TBCK: variants seen among roughly 807,000 people sequenced by gnomAD.
TBCK encodes TBC1 domain containing kinase, also known as TBC domain-containing protein kinase-like protein.
In TBCK, 99 loss-of-function variants were observed where a neutral mutation model predicts 113.4. The ratio of observed to expected loss-of-function variants is 0.87; its 90% CI spans 0.74 to 1.03. TBCK has a LOEUF of 1.03. Among genes scored for constraint, TBCK ranks in the 50% least tolerant of loss-of-function variants. The pLI, the probability that TBCK is intolerant of heterozygous loss-of-function variation, is 0.00. For missense variants in TBCK, 1,045 were observed against 1,061.3 expected (o/e 0.98, Z 0.21); for synonymous variants, 369 against 370.8 (o/e 1.00, Z 0.05).
At chr4:106,098,815 C>T (rs1340181621) in intron 24 of TBCK, among the ~76,000 whole-genome samples, 3 of 151,972 alleles carry the variant, frequency 2.0e-5, no homozygotes. Flanking sequence ...GTAAGTTGTA[C>T]CCCTCCCTGC....
chr4:106,224,055 T>A (rs1014389517), intron 19 of TBCK, among the ~76,000 whole-genome samples: 1 of 152,122 alleles, frequency 6.6e-6, no homozygotes, highest in Non-Finnish European at 1.5e-5. Flanking sequence ...TTTCTGGTGA[T>A]AATTTGATAG....
intron 3 of TBCK, among the ~76,000 whole-genome samples, chr4:106,273,466 C>G (rs567226205): frequency 1.3e-5 from 2 of 152,230 alleles, no homozygotes; most frequent in African/African-American, 4.8e-5. Flanking sequence ...TGTTTATTTG[C>G]TGGTTAGCTT....
At chr4:106,196,165 T>C (rs1754211899) in intron 20 of TBCK, among the ~76,000 whole-genome samples, 1 of 151,902 alleles carries the variant, frequency 6.6e-6, no homozygotes, top group African/African-American at 2.4e-5. Flanking sequence ...CCTAGAAATA[T>C]ATACATACAC....
chr4:106,108,961 A>G (rs993818089), intron 24 of TBCK, among the ~76,000 whole-genome samples: 2 of 151,046 alleles, frequency 1.3e-5, no homozygotes, highest in African/African-American at 4.9e-5. Context: ...TACACCAACG[A>G]CAACCAACCT....
At chr4:106,079,856 G>A (rs995244885) in intron 25 of TBCK, among the ~76,000 whole-genome samples, 2 of 152,168 alleles carry the variant, frequency 1.3e-5, no homozygotes, top group Non-Finnish European at 2.9e-5. Flanking sequence ...GGAAGGTGAG[G>A]AGGAAGCAGG....
At chr4:106,181,054 T>A (rs576610550) in intron 22 of TBCK, among the ~76,000 whole-genome samples, 3 of 152,338 alleles carry the variant, frequency 2.0e-5, no homozygotes, top group African/African-American at 7.2e-5. Flanking sequence ...TTTTTAATGA[T>A]CACCATTCTA....
chr4:106,231,545 C>A (rs1423331188), intron 18 of TBCK, among the ~76,000 whole-genome samples, 184 bp downstream of exon 18: 2 of 151,746 alleles, frequency 1.3e-5, no homozygotes, highest in Non-Finnish European at 3.0e-5. Context: ...TTTAGCATAA[C>A]TGAAACTCTC....
rs568326571 is a variant in TBCK, at chr4:106,150,216, A to G, written c.2235+20879T>C. 2.6e-5 allele frequency among the ~76,000 whole-genome samples: 4 copies of G among 152,302 alleles called. No homozygotes were observed. The East Asian group carries it at 7.7e-4, about 29-fold the overall frequency. Reference sequence around the variant, plus strand: ...CATGAAGAAAAAGTTAACTTGCGGCAAAAGGTTAGAATAATAACAATAAAA... The same window carrying G: ...CATGAAGAAAAAGTTAACTTGCGGCGAAAGGTTAGAATAATAACAATAAAA... On this transcript the variant is annotated intron_variant, in intron 23 of 25. Transcript: ENST00000394708.
At chr4:106,230,308 C>A in intron 19 of TBCK, 55 bp downstream of exon 19, 1 of 1,120,344 alleles carries the variant, frequency 8.9e-7, no homozygotes, top group Non-Finnish European at 1.3e-6. Context: ...ATTACATCAG[C>A]ACACCAGTAC....
chr4:106,092,602 C>A (rs1740415032), intron 25 of TBCK, among the ~76,000 whole-genome samples: 1 of 152,230 alleles, frequency 6.6e-6, no homozygotes, highest in African/African-American at 2.4e-5. Context: ...TGGGCCAGCA[C>A]TGCTGGGGGA....
rs28648796 is a variant in TBCK at position 106,115,998 on chromosome 4, G to C, written c.2411+205C>G. ...TATCCCAATATTCTGGCATTGTTTG[G>C]AAAATATCATCAGGTCTCTGGTATG... On this transcript the variant is annotated intron_variant, in intron 24 of 25. Coordinates refer to ENST00000394708, the MANE Select transcript of TBCK (RefSeq NM_001163435.3). Among the ~76,000 whole-genome samples, 9,551 of 152,208 alleles carry C rather than the reference G, an allele frequency of 0.063. 355 individuals carry two copies. The highest frequency in any genetic ancestry group is 0.08 in the Non-Finnish European group (5,471 of 68,010).
intron 22 of TBCK, among the ~76,000 whole-genome samples, chr4:106,183,659 C>T (rs1378417852): frequency 6.6e-6 from 1 of 152,026 alleles, no homozygotes; most frequent in South Asian, 2.1e-4. Flanking sequence ...ATTTCCTGAC[C>T]AGCAGTTCAC....
chr4:106,217,473 T>C (rs970143270), intron 19 of TBCK, among the ~76,000 whole-genome samples: 1 of 152,140 alleles, frequency 6.6e-6, no homozygotes, highest in East Asian at 1.9e-4. Context: ...AAAACCCCAT[T>C]GTCTCAGCCC....
chr4:106,162,487 C>T (rs1267611184), intron 23 of TBCK, among the ~76,000 whole-genome samples: 1 of 152,118 alleles, frequency 6.6e-6, no homozygotes, highest in East Asian at 1.9e-4. Context: ...GAGTTCTGAC[C>T]CAACATTTCC....
intron 21 of TBCK, among the ~76,000 whole-genome samples, chr4:106,194,327 G>T (rs992528781): frequency 6.6e-6 from 1 of 151,912 alleles, no homozygotes; most frequent in African/African-American, 2.4e-5. Context: ...AAAGTATTAC[G>T]CATTCACATA....
At chr4:106,233,778 C>G in intron 15 of TBCK, 128 bp from the exon 16 acceptor site, 1 of 688,508 alleles carries the variant, frequency 1.5e-6, no homozygotes. Context: ...CACATTCAAA[C>G]TCAGGGTAGA....
At chr4:106,077,795 T>C (rs536035705) in intron 25 of TBCK, among the ~76,000 whole-genome samples, 1 of 152,270 alleles carries the variant, frequency 6.6e-6, no homozygotes, top group South Asian at 2.1e-4. Flanking sequence ...ACTCAATACT[T>C]GACCAATTAG....
intron 3 of TBCK, among the ~76,000 whole-genome samples, chr4:106,265,755 C>T (rs965579136): frequency 6.6e-6 from 1 of 151,732 alleles, no homozygotes; most frequent in East Asian, 1.9e-4. Context: ...GGTGAGTACT[C>T]CCTCTCCACC....
At chr4:106,210,653 C>A (rs529148684) in intron 20 of TBCK, among the ~76,000 whole-genome samples, 3 of 152,212 alleles carry the variant, frequency 2.0e-5, no homozygotes, top group African/African-American at 7.2e-5. Flanking sequence ...TTATTATTAG[C>A]CCTTCCCAAA....
Sources: gnomAD v4.1 joint callset for allele counts (sites outside exome capture counted in the v4.1 genomes callset) on GRCh38, gnomAD v4.1.1 for gene constraint, MANE v1.5 for transcripts, NCBI Gene and HGNC (gene_info 2026-07-23, HGNC 2026-07-21) for gene names.